The following PTPRD variants were observed in gnomAD, a reference collection of about 807,000 sequenced individuals.
PTPRD encodes receptor-type tyrosine-protein phosphatase delta.
In PTPRD, 34 loss-of-function variants were observed where a neutral mutation model predicts 214.5. That is an observed-to-expected ratio of 0.16 (90% CI 0.12 to 0.21). The LOEUF is 0.21. PTPRD is among the 10% of genes least tolerant of loss of function. The probability of loss-of-function intolerance (pLI) is 1.00; values close to 1 mark genes in which losing one functional copy is unlikely to be tolerated. For synonymous variants in PTPRD, 1,128 were observed against 845.7 expected, an observed-to-expected ratio of 1.33 and a Z score of -5.79; for missense variants, 2,545 against 2,398.7, an observed-to-expected ratio of 1.06 and a Z score of -1.27.
intron 8 of PTPRD, among the ~76,000 whole-genome samples, chr9:9,546,188 C>G (rs2078767418): frequency 6.6e-6 from 1 of 151,224 alleles, no homozygotes; most frequent in Non-Finnish European, 1.5e-5. Flanking sequence ...AATCTTAGAT[C>G]CTGAAGCTCT....
intron 39 of PTPRD, among the ~76,000 whole-genome samples, chr9:8,344,960 T>TAAAATATAGCAAATAAAAAAAAAAA (rs1856143549): frequency 1.5e-5 from 2 of 132,520 alleles, no homozygotes; most frequent in Non-Finnish European, 1.7e-5. Context: ...AACTCCATTT[T>TAAAATATAGCAAATAAAAAAAAAAA]AACATTCAGT....
At chr9:8,727,060 G>T (rs568901945) in intron 12 of PTPRD, among the ~76,000 whole-genome samples, 8 of 151,962 alleles carry the variant, frequency 5.3e-5, no homozygotes, top group Non-Finnish European at 1.0e-4. Flanking sequence ...AATGTTAAGG[G>T]AATAAAACCA....
intron 11 of PTPRD, among the ~76,000 whole-genome samples, chr9:8,893,406 A>G (rs1343635208): frequency 6.6e-6 from 1 of 152,202 alleles, no homozygotes; most frequent in East Asian, 1.9e-4. Flanking sequence ...AAAGGCTTGT[A>G]GAGAAACAGA....
At chr9:8,446,205 T>A (rs2095717677) in intron 34 of PTPRD, among the ~76,000 whole-genome samples, 1 of 152,208 alleles carries the variant, frequency 6.6e-6, no homozygotes, top group Non-Finnish European at 1.5e-5. Context: ...GGTACTGCAT[T>A]TAAGGGTACA....
intron 2 of PTPRD, among the ~76,000 whole-genome samples, chr9:10,372,369 A>T (rs1038425858): frequency 1.4e-4 from 22 of 152,122 alleles, no homozygotes; most frequent in Admixed American, 1.4e-3. Context: ...TCTGATTAGT[A>T]TTCCTTTTGT....
chr9:8,671,243 T>A (rs948613564), intron 12 of PTPRD, among the ~76,000 whole-genome samples: 8 of 152,276 alleles, frequency 5.3e-5, no homozygotes, highest in Admixed American at 2.6e-4. Context: ...TTTAATTTTT[T>A]AAAAATATAT....
At chr9:9,917,672 A>C (rs1189904838) in intron 5 of PTPRD, among the ~76,000 whole-genome samples, 2 of 152,050 alleles carry the variant, frequency 1.3e-5, no homozygotes, top group African/African-American at 2.4e-5. Flanking sequence ...AGCCTGATGA[A>C]CAGAGACACA....
chr9:9,324,309 G>A (rs917483156), intron 9 of PTPRD, among the ~76,000 whole-genome samples: 1 of 152,304 alleles, frequency 6.6e-6, no homozygotes, highest in South Asian at 2.1e-4. Flanking sequence ...CCCACCAACA[G>A]TGTAAAAGCA....
At chr9:10,578,708 C>T (rs1336681612) in intron 2 of PTPRD, among the ~76,000 whole-genome samples, 4 of 152,184 alleles carry the variant, frequency 2.6e-5, no homozygotes, top group Admixed American at 6.5e-5. Flanking sequence ...TTGCCACTTT[C>T]GTTCATATTA....
chr9:8,830,595 T>A lies in PTPRD; in HGVS notation c.-103-96649A>T, dbSNP rs572484913. 6.6e-5 allele frequency among the ~76,000 whole-genome samples: 10 copies of A among 151,720 alleles called. 1 individual carries two copies. The highest frequency in any genetic ancestry group is 1.3e-4 in the Admixed American group (2 of 15,208). On this transcript the variant is annotated intron_variant, in intron 11 of 45. Transcript: ENST00000381196. ...ATGATCATCTCAAAACTCCTTCAACTCCCCCCAGTGAGGAGTGTGCAGCGA... is the reference window on the plus strand; with the variant it reads ...ATGATCATCTCAAAACTCCTTCAACACCCCCCAGTGAGGAGTGTGCAGCGA...
At chr9:10,153,438 T>G (rs1262264323) in intron 3 of PTPRD, among the ~76,000 whole-genome samples, 1 of 151,248 alleles carries the variant, frequency 6.6e-6, no homozygotes, top group Non-Finnish European at 1.5e-5. Context: ...AATGATTTTA[T>G]CTTTCCAGAC....
chr9:10,545,634 G>C (rs2060020178), intron 2 of PTPRD, among the ~76,000 whole-genome samples: 1 of 152,096 alleles, frequency 6.6e-6, no homozygotes, highest in African/African-American at 2.4e-5. Flanking sequence ...TATAGACCAA[G>C]AGAAACTTGC....
chr9:8,912,046 A>G (rs1397717368), intron 11 of PTPRD, among the ~76,000 whole-genome samples: 1 of 152,202 alleles, frequency 6.6e-6, no homozygotes, highest in Non-Finnish European at 1.5e-5. Context: ...ATACTCATAC[A>G]TTACTAGTGG....
intron 2 of PTPRD, among the ~76,000 whole-genome samples, chr9:10,516,974 C>T (rs1316329631): frequency 2.6e-5 from 4 of 151,824 alleles, no homozygotes; most frequent in African/African-American, 9.7e-5. Context: ...ATTACTGTAG[C>T]TTTGTCATAT....
intron 9 of PTPRD, among the ~76,000 whole-genome samples, chr9:9,336,769 G>A (rs2044670169): frequency 6.6e-6 from 1 of 152,116 alleles, no homozygotes; most frequent in South Asian, 2.1e-4. Flanking sequence ...AAACGCCCTT[G>A]AAATTTATAC....
intron 11 of PTPRD, among the ~76,000 whole-genome samples, chr9:9,001,018 C>T (rs1407819927): frequency 6.6e-6 from 1 of 151,954 alleles, no homozygotes; most frequent in Non-Finnish European, 1.5e-5. Context: ...CCATGATTAT[C>T]CTGCCTTCCA....
intron 2 of PTPRD, among the ~76,000 whole-genome samples, chr9:10,417,734 T>G (rs1483509064): frequency 6.6e-6 from 1 of 151,762 alleles, no homozygotes; most frequent in Non-Finnish European, 1.5e-5. Context: ...CCCTTCCCCA[T>G]GAGAATACAT....
chr9:8,922,376 C>T (rs1467349068), intron 11 of PTPRD, among the ~76,000 whole-genome samples: 1 of 152,218 alleles, frequency 6.6e-6, no homozygotes, highest in African/African-American at 2.4e-5. Context: ...AATATCTACA[C>T]ATGCACATAT....
chr9:10,311,985 G>C (rs372024134), intron 3 of PTPRD, among the ~76,000 whole-genome samples: 24 of 151,620 alleles, frequency 1.6e-4, no homozygotes, highest in East Asian at 5.8e-4. Flanking sequence ...ATCTGGTTCT[G>C]CCAGTTAATT....
Sources: gnomAD v4.1 joint callset for allele counts (sites outside exome capture counted in the v4.1 genomes callset) on GRCh38, gnomAD v4.1.1 for gene constraint, MANE v1.5 for transcripts, NCBI Gene and HGNC (gene_info 2026-07-23, HGNC 2026-07-21) for gene names.